MGAT4C: variants seen among roughly 807,000 people sequenced by gnomAD.
MGAT4C encodes the protein MGAT4 family member C, also known as alpha-1,3-mannosyl-glycoprotein 4-beta-N-acetylglucosaminyltransferase C.
In MGAT4C, 19 loss-of-function variants were observed where a neutral mutation model predicts 40.1. The observed-to-expected ratio is 0.47, with a 90% CI of 0.33 to 0.70. MGAT4C has a LOEUF of 0.70. Ranked by LOEUF, MGAT4C falls within the 30% of genes least tolerant of loss-of-function variation. The probability of loss-of-function intolerance (pLI) is 0.02; values close to 1 mark genes in which losing one functional copy is unlikely to be tolerated. For synonymous variants in MGAT4C, 181 were observed against 187.1 expected (o/e 0.97, Z 0.27); for missense variants, 491 against 563.2 (o/e 0.87, Z 1.30).
chr12:86,249,898 T>C (rs1392222921), intron 1 of MGAT4C, among the ~76,000 whole-genome samples: 2 of 152,184 alleles, frequency 1.3e-5, no homozygotes, highest in African/African-American at 4.8e-5. Flanking sequence ...TCCTTGTGGG[T>C]GTCCCCTGAG....
chr12:86,428,660 T>G (rs1330672923), intron 3 of MGAT4C, among the ~76,000 whole-genome samples: 1 of 152,242 alleles, frequency 6.6e-6, no homozygotes, highest in Non-Finnish European at 1.5e-5. Context: ...GTTAATAGTT[T>G]GTTCAGATGT....
intron 3 of MGAT4C, among the ~76,000 whole-genome samples, chr12:86,408,471 C>CTGTATATA (rs1163667978): frequency 9.1e-6 from 1 of 109,436 alleles, no homozygotes. Flanking sequence ...CTCTCTCTCT[C>CTGTATATA]TCTCTCTCTA....
intron 2 of MGAT4C, among the ~76,000 whole-genome samples, chr12:86,687,747 T>G (rs2136591358): frequency 6.6e-6 from 1 of 152,306 alleles, no homozygotes; most frequent in Admixed American, 6.5e-5. Flanking sequence ...AGTGTTTTAC[T>G]TCGAATTATG....
chr12:86,056,349 A>C (rs1028566932), intron 1 of MGAT4C, among the ~76,000 whole-genome samples: 6 of 152,128 alleles, frequency 3.9e-5, no homozygotes, highest in African/African-American at 1.4e-4. Context: ...CTTGTCATGT[A>C]CGTTAGGCAT....
intron 2 of MGAT4C, among the ~76,000 whole-genome samples, chr12:86,452,771 T>G (rs905268647): frequency 6.6e-6 from 1 of 152,092 alleles, no homozygotes; most frequent in African/African-American, 2.4e-5. Flanking sequence ...CTTAGTAACT[T>G]TGACTCCAGT....
chr12:86,797,292 G>C (rs1325022082), intron 1 of MGAT4C, among the ~76,000 whole-genome samples: 1 of 151,438 alleles, frequency 6.6e-6, no homozygotes, highest in African/African-American at 2.4e-5. Context: ...CCATTGCCAT[G>C]ATCCTACAAT....
chr12:86,362,666 A>T (rs1376158805), intron 3 of MGAT4C, among the ~76,000 whole-genome samples: 4 of 152,006 alleles, frequency 2.6e-5, no homozygotes, highest in Non-Finnish European at 4.4e-5. Context: ...GATCGAGACC[A>T]TCCTCGCTAA....
intron 2 of MGAT4C, among the ~76,000 whole-genome samples, chr12:86,617,161 G>A (rs1962478058): frequency 6.6e-6 from 1 of 152,166 alleles, no homozygotes; most frequent in Admixed American, 6.5e-5. Context: ...AACACTGAGA[G>A]CAAGTTAGTA....
intron 2 of MGAT4C, among the ~76,000 whole-genome samples, chr12:86,669,843 G>A (rs1282040239): frequency 6.6e-6 from 1 of 152,174 alleles, no homozygotes; most frequent in Non-Finnish European, 1.5e-5. Context: ...GCCACAGCTG[G>A]CTCTTACCTA....
intron 1 of MGAT4C, among the ~76,000 whole-genome samples, chr12:86,737,111 T>C (rs1248515149): frequency 6.6e-6 from 1 of 151,580 alleles, no homozygotes; most frequent in Non-Finnish European, 1.5e-5. Context: ...ATCAATAAAG[T>C]AAAACTCATT....
chr12:86,130,084 T>C (rs936063898), intron 1 of MGAT4C, among the ~76,000 whole-genome samples: 11 of 152,214 alleles, frequency 7.2e-5, no homozygotes, highest in Admixed American at 2.6e-4. Flanking sequence ...ACTGATGGAA[T>C]TATGTTCCCT....
intron 3 of MGAT4C, among the ~76,000 whole-genome samples, chr12:86,374,615 A>C (rs999798531): frequency 7.2e-5 from 11 of 152,248 alleles, no homozygotes; most frequent in Admixed American, 7.2e-4. Context: ...TTTAAAAATG[A>C]GAAAATTAGG....
chr12:86,800,663 C>T (rs1952209224), intron 1 of MGAT4C, among the ~76,000 whole-genome samples: 1 of 151,786 alleles, frequency 6.6e-6, no homozygotes, highest in African/African-American at 2.4e-5. Flanking sequence ...TTAATAATAA[C>T]TACGTTTAAC....
Position 85,956,194 on chromosome 12 carries a change from A to C in MGAT4C, c.*23095T>G, listed in dbSNP as rs1454544187. 1 of 152,246 alleles carries C rather than the reference A, an allele frequency of 6.6e-6. No homozygotes were observed. The highest frequency in any genetic ancestry group is 1.5e-5 in the Non-Finnish European group (1 of 68,022). The allele number at this position is 152,246 out of a possible 1,614,324, so 9.4% of individuals were successfully genotyped here. A position where few individuals can be genotyped will look rare whatever the true frequency, so the allele number is the denominator to read the frequency against. On this transcript the variant is annotated 3_prime_UTR_variant, in exon 5 of 5. Coordinates refer to ENST00000611864, the MANE Select transcript of MGAT4C (RefSeq NM_001351288.2). ...TCAACATTGTGTGGAACACAGTGAGAAGTATAATGATTTTTTCCTGAAAAC... is the reference window on the plus strand; with the variant it reads ...TCAACATTGTGTGGAACACAGTGAGCAGTATAATGATTTTTTCCTGAAAAC...
At chr12:86,522,539 G>T (rs1393841223) in intron 2 of MGAT4C, among the ~76,000 whole-genome samples, 1 of 152,070 alleles carries the variant, frequency 6.6e-6, no homozygotes, top group Non-Finnish European at 1.5e-5. Context: ...ATTCATCAAG[G>T]GTGTCAGTCT....
intron 1 of MGAT4C, among the ~76,000 whole-genome samples, chr12:86,240,234 C>G (rs1428704621): frequency 1.3e-5 from 2 of 150,564 alleles, no homozygotes; most frequent in African/African-American, 2.4e-5. Context: ...TGTTTTTATT[C>G]AAACATCGCA....
intron 2 of MGAT4C, among the ~76,000 whole-genome samples, chr12:86,507,463 T>A (rs1038879998): frequency 2.0e-5 from 3 of 152,108 alleles, no homozygotes; most frequent in Admixed American, 2.0e-4. Flanking sequence ...GAATAAGAGG[T>A]GACCTAAGAC....
At chr12:86,371,703 T>C (rs1375358860) in intron 3 of MGAT4C, among the ~76,000 whole-genome samples, 1 of 152,096 alleles carries the variant, frequency 6.6e-6, no homozygotes, top group Admixed American at 6.6e-5. Context: ...TGTGTTTCAC[T>C]TCTAGACTGT....
chr12:86,125,204 C>T (rs1007525531), intron 1 of MGAT4C, among the ~76,000 whole-genome samples: 1 of 152,100 alleles, frequency 6.6e-6, no homozygotes, highest in Non-Finnish European at 1.5e-5. Context: ...CTGAATCTCA[C>T]CAACACCTGT....
Sources: allele counts gnomAD v4.1 joint callset (sites outside exome capture counted in the v4.1 genomes callset), GRCh38; gene constraint gnomAD v4.1.1; transcripts MANE v1.5; gene names NCBI Gene and HGNC (gene_info 2026-07-23, HGNC 2026-07-21).